Variants in MSL3 observed in about 807,000 individuals in gnomAD.
MSL3 encodes the protein MSL3-like 1.
A neutral mutation model predicts 37.2 loss-of-function variants in MSL3; 5 were observed. The ratio of observed to expected loss-of-function variants is 0.13; its 90% CI spans 0.07 to 0.28. The LOEUF is 0.28. Among genes scored for constraint, MSL3 ranks in the 10% least tolerant of loss-of-function variants. MSL3 has a pLI of 1.00. For missense variants in MSL3, 315 were observed against 408.5 expected, an observed-to-expected ratio of 0.77 and a Z score of 1.97; for synonymous variants, 149 against 147.6, an observed-to-expected ratio of 1.01 and a Z score of -0.07.
intron 5 of MSL3, 67 bp from the exon 6 acceptor site, chrX:11,762,063 A>C (rs2053137822): frequency 1.1e-6 from 1 of 876,131 alleles, no homozygotes; most frequent in South Asian, 3.2e-5. Flanking sequence ...GTTTCATAGC[A>C]GGCCTTCCTT....
chrX:11,762,130 A>G lies in MSL3; in HGVS notation c.466A>G (p.Lys156Glu). ...TAAAAATGGAATTTTGATATTGCAGAAAGAAGAACCAGAGCTTCAAACAAG... is the reference window on the plus strand; with the variant it reads ...TAAAAATGGAATTTTGATATTGCAGGAAGAAGAACCAGAGCTTCAAACAAG... ...ESDIEEKTEV[K>E]EEPELQTRRE... The change falls in exon 6 of 13, where the codon AAA becomes GAA. Residue 156 changes from lysine (K) to glutamate (E), a missense_variant and splice_region_variant. By Grantham distance (56) the Lys-to-Glu change is moderately conservative (BLOSUM62 1). Transcript: ENST00000312196. 1 of 1,152,011 alleles carries G rather than the reference A, an allele frequency of 8.7e-7. No individual in the cohort carries two copies. The highest frequency in any genetic ancestry group is 1.2e-6 in the Non-Finnish European group (1 of 866,675). The allele number at this position is 1,152,011 out of a possible 1,213,427, so 94.9% of individuals were successfully genotyped here.
At chrX:11,760,538 T>C in intron 3 of MSL3, 40 bp downstream of exon 3, 1 of 988,556 alleles carries the variant, frequency 1.0e-6, no homozygotes, top group East Asian at 3.2e-5. Flanking sequence ...TTATCCAATG[T>C]GTTTTCTCTT....
At chrX:11,765,416 T>G (rs748041996) in intron 8 of MSL3, 51 bp from the exon 9 acceptor site, 1 of 1,147,842 alleles carries the variant, frequency 8.7e-7, no homozygotes, top group South Asian at 2.0e-5. Flanking sequence ...AAGCACTCCA[T>G]GTTCTGGAAA....
intron 10 of MSL3, among the ~76,000 whole-genome samples, chrX:11,771,555 C>T (rs1033694779): frequency 8.9e-6 from 1 of 112,529 alleles, no homozygotes; most frequent in East Asian, 2.8e-4. Flanking sequence ...CATTCTCTCT[C>T]TAGTGCAGCA....
intron 10 of MSL3, among the ~76,000 whole-genome samples, chrX:11,769,475 G>C (rs2053213313): frequency 8.9e-6 from 1 of 112,860 alleles, no homozygotes. Flanking sequence ...GAGTTTGTCA[G>C]GGATTCTGAA....
intron 10 of MSL3, among the ~76,000 whole-genome samples, chrX:11,771,930 TAC>T (rs2053235524): frequency 8.9e-6 from 1 of 112,421 alleles, no homozygotes; most frequent in Non-Finnish European, 1.9e-5. Flanking sequence ...CCTAAACAGT[TAC>T]AGTTATTTAT....
At chrX:11,769,657 G>A (rs1012994279) in intron 10 of MSL3, among the ~76,000 whole-genome samples, 10 of 112,025 alleles carry the variant, frequency 8.9e-5, no homozygotes, top group African/African-American at 3.3e-4. Flanking sequence ...AGGCTGCAGT[G>A]CAGTGGCAGG....
chrX:11,774,689 T>C (rs2053259491), intron 12 of MSL3, among the ~76,000 whole-genome samples: 1 of 111,313 alleles, frequency 9.0e-6, no homozygotes, highest in East Asian at 2.8e-4. Context: ...CTTTTTTTTT[T>C]CCGCCCCCAA....
intron 10 of MSL3, among the ~76,000 whole-genome samples, chrX:11,771,224 T>A (rs774412667): frequency 1.8e-5 from 2 of 112,567 alleles, no homozygotes; most frequent in South Asian, 7.3e-4. Flanking sequence ...GTTTCCATAT[T>A]GAATATGACG....
chrX:11,772,575 C>A, intron 11 of MSL3, 46 bp from the exon 12 acceptor site: 2 of 928,667 alleles, frequency 2.2e-6, no homozygotes, highest in Non-Finnish European at 3.1e-6. Context: ...TATGCATTGT[C>A]AGATTCTGCT....
Position 11,765,700 on chromosome X carries a change from T to A in MSL3, c.1142T>A (p.Met381Lys). ...KRRQQDTSAS[M>K]PKLFLHLEKK... ...CGGCAGCAGGACACATCCGCCAGCA[T>A]GCCCAAGCTCTTCCTGCACCTGGAA... The change falls in exon 9 of 13, where the codon ATG (methionine) becomes AAG (lysine). Residue 381 changes from methionine to lysine, a missense_variant. Coordinates refer to ENST00000312196, the MANE Select transcript of MSL3 (RefSeq NM_078629.4). 1 of 1,212,109 alleles carries A rather than the reference T, an allele frequency of 8.3e-7. No individual in the cohort carries two copies. Among genetic ancestry groups the A allele is most frequent in the Non-Finnish European group, 1.1e-6 (1 of 895,532 alleles).
chrX:11,759,142 A>G (rs1366644764), intron 1 of MSL3, among the ~76,000 whole-genome samples: 1 of 111,973 alleles, frequency 8.9e-6, no homozygotes, highest in African/African-American at 3.3e-5. Flanking sequence ...TCCTAGGGCC[A>G]CCTGGGCGAA....
At chrX:11,769,467 G>A (rs769433639) in intron 10 of MSL3, among the ~76,000 whole-genome samples, 6 of 112,754 alleles carry the variant, frequency 5.3e-5, no homozygotes, top group Non-Finnish European at 1.1e-4. Flanking sequence ...TAGGTGGTGA[G>A]TTTGTCAGGG....
At chrX:11,766,663 A>G (rs772153611) in intron 9 of MSL3, 1 of 753,143 alleles carries the variant, frequency 1.3e-6, no homozygotes, top group African/African-American at 2.3e-5. Flanking sequence ...TCGCGGGCTC[A>G]GTGAGTTAGG....
Position 11,763,868 on chromosome X carries a change from G to A in MSL3, c.838G>A (p.Ala280Thr). The part of the protein sequence containing the change: ...PLVLLYPYEQ[A>T]QYKKVTSSKF... ...GGTTTTACTCTATCCATATGAACAAGCTCAGTATAAAAAGGTGACTTCGTC... is the reference window on the plus strand; with the variant it reads ...GGTTTTACTCTATCCATATGAACAAACTCAGTATAAAAAGGTGACTTCGTC... The change falls in exon 8 of 13, where the codon GCT becomes ACT. Residue 280 changes from alanine to threonine, a missense_variant. Ala to Thr is a moderately conservative substitution (Grantham distance 58). Transcript: ENST00000312196. The A allele has an allele frequency of 3.3e-6, 4 of 1,207,940 alleles. No individual in the cohort carries two copies. Among genetic ancestry groups the A allele is most frequent in the Non-Finnish European group, 4.5e-6 (4 of 892,571 alleles).
intron 2 of MSL3, chrX:11,760,163 G>A (rs756604813): frequency 2.7e-6 from 1 of 369,814 alleles, no homozygotes; most frequent in African/African-American, 2.6e-5. Flanking sequence ...CTATTGTGAC[G>A]AATAGTTACT....
At chrX:11,769,634 C>T (rs2053215045) in intron 10 of MSL3, among the ~76,000 whole-genome samples, 6 of 111,863 alleles carry the variant, frequency 5.4e-5, no homozygotes, top group Admixed American at 9.4e-5. Flanking sequence ...GTCTCACTCT[C>T]ATGCTGTCAC....
At chrX:11,758,559 T>C (rs752108084) in intron 1 of MSL3, 194 bp downstream of exon 1, 4 of 1,101,714 alleles carry the variant, frequency 3.6e-6, no homozygotes, top group African/African-American at 3.8e-5. Context: ...ATGCTTCCAC[T>C]TCCTTCCGTC....
intron 12 of MSL3, among the ~76,000 whole-genome samples, chrX:11,773,373 G>A (rs1392191373): frequency 8.9e-6 from 1 of 111,911 alleles, no homozygotes; most frequent in Non-Finnish European, 1.9e-5. Context: ...CTAGCTACCT[G>A]ACTTTGTTTC....
Sources: gnomAD v4.1 joint callset for allele counts (sites outside exome capture counted in the v4.1 genomes callset) on GRCh38, gnomAD v4.1.1 for gene constraint, MANE v1.5 for transcripts, NCBI Gene and HGNC (gene_info 2026-07-23, HGNC 2026-07-21) for gene names.